RAB2A: variants seen among roughly 807,000 people sequenced by gnomAD.
RAB2A encodes RAB2A, member RAS oncogene family.
In RAB2A, 7 loss-of-function variants were observed where a neutral mutation model predicts 32.5. The ratio of observed to expected loss-of-function variants is 0.22; its 90% CI spans 0.12 to 0.40. The LOEUF (loss-of-function observed/expected upper bound fraction) is 0.40, where lower values mean the gene tolerates loss of function less well. RAB2A is among the 10% of genes least tolerant of loss of function. The pLI is 1.00. For missense variants in RAB2A, 108 were observed against 260.7 expected, an observed-to-expected ratio of 0.41 and a Z score of 4.03; for synonymous variants, 79 against 85.2, an observed-to-expected ratio of 0.93 and a Z score of 0.40.
At chr8:60,605,874 G>A (rs1804222649) in intron 6 of RAB2A, among the ~76,000 whole-genome samples, 1 of 130,008 alleles carries the variant, frequency 7.7e-6, no homozygotes, top group African/African-American at 3.7e-5. Flanking sequence ...TCAAGCTGGG[G>A]GTGGTGGCTC....
chr8:60,549,479 CT>C (rs34956255), intron 1 of RAB2A, among the ~76,000 whole-genome samples: 32,095 of 139,224 alleles, frequency 0.23, 3,505 homozygotes, highest in Middle Eastern at 0.36. Flanking sequence ...CTCCACCAAC[CT>C]TTTTTTTTTT....
intron 6 of RAB2A, among the ~76,000 whole-genome samples, chr8:60,599,510 G>T (rs1048702941): frequency 6.6e-6 from 1 of 152,160 alleles, no homozygotes; most frequent in Admixed American, 6.5e-5. Context: ...ACAATGGGAT[G>T]AATCCACCCA....
intron 6 of RAB2A, among the ~76,000 whole-genome samples, chr8:60,593,627 G>A (rs1243299348): frequency 2.0e-5 from 3 of 152,040 alleles, no homozygotes; most frequent in East Asian, 1.9e-4. Flanking sequence ...ACTAAACAGT[G>A]GTTTAAATAA....
At chr8:60,568,560 C>T (rs1418846358) in intron 2 of RAB2A, among the ~76,000 whole-genome samples, 1 of 151,986 alleles carries the variant, frequency 6.6e-6, no homozygotes, top group African/African-American at 2.4e-5. Flanking sequence ...GATGAGAAAA[C>T]TAAGACAAAG....
At chr8:60,584,389 C>G (rs1287114998) in intron 4 of RAB2A, 99 bp downstream of exon 4, 1 of 1,026,978 alleles carries the variant, frequency 9.7e-7, no homozygotes, top group African/African-American at 1.6e-5. Context: ...GCCTTTCTGC[C>G]CCGGCTACTC....
At chr8:60,518,617 A>G (rs1028414962) in intron 1 of RAB2A, among the ~76,000 whole-genome samples, 1 of 144,388 alleles carries the variant, frequency 6.9e-6, no homozygotes, top group African/African-American at 2.5e-5. Context: ...AAAAAAAAAA[A>G]AAAAAAGCAT....
At chr8:60,579,036 T>G (rs1325792470) in intron 3 of RAB2A, among the ~76,000 whole-genome samples, 1 of 150,986 alleles carries the variant, frequency 6.6e-6, no homozygotes, top group African/African-American at 2.5e-5. Flanking sequence ...TTTTTGTTGT[T>G]TTGTTTTGTT....
intron 6 of RAB2A, among the ~76,000 whole-genome samples, chr8:60,617,751 A>G (rs677467): frequency 0.24 from 36,781 of 151,966 alleles, 4,511 homozygotes; most frequent in Middle Eastern, 0.4. Context: ...TCTCAAAAAT[A>G]AATAAATAAA....
At chr8:60,552,227 T>A (rs1685956426) in intron 1 of RAB2A, 1 of 152,090 alleles carries the variant, frequency 6.6e-6, no homozygotes, top group Admixed American at 6.6e-5. Flanking sequence ...GGTCTTGAAC[T>A]CCTGACCTCG....
At chr8:60,606,766 T>C (rs617834) in intron 6 of RAB2A, among the ~76,000 whole-genome samples, 83,377 of 152,168 alleles carry the variant, frequency 0.55, 26,390 homozygotes, top group African/African-American at 0.88. Context: ...TACCTGGGCC[T>C]TTTTGAGCTG....
intron 1 of RAB2A, among the ~76,000 whole-genome samples, chr8:60,526,834 C>T (rs1480314350): frequency 2.6e-5 from 4 of 151,724 alleles, no homozygotes; most frequent in African/African-American, 9.7e-5. Flanking sequence ...CCAGGCGTGG[C>T]GGCATGCGCC....
At chr8:60,577,540 T>A (rs1245747732) in intron 3 of RAB2A, among the ~76,000 whole-genome samples, 2 of 152,178 alleles carry the variant, frequency 1.3e-5, no homozygotes, top group African/African-American at 4.8e-5. Context: ...CTGATCTTAC[T>A]GTCACCTGGA....
chr8:60,531,997 G>GAA (rs1240575162), intron 1 of RAB2A, among the ~76,000 whole-genome samples: 6 of 152,012 alleles, frequency 3.9e-5, no homozygotes, highest in African/African-American at 1.4e-4. Flanking sequence ...TAGAGACAGG[G>GAA]TTTCACCATG....
At chr8:60,616,404 C>T (rs778510554) in intron 6 of RAB2A, among the ~76,000 whole-genome samples, 2 of 152,206 alleles carry the variant, frequency 1.3e-5, no homozygotes, top group Admixed American at 6.5e-5. Flanking sequence ...GAAATGTGCA[C>T]ATGTGGATGC....
At chr8:60,610,134 T>C (rs1036855400) in intron 6 of RAB2A, among the ~76,000 whole-genome samples, 3 of 152,054 alleles carry the variant, frequency 2.0e-5, no homozygotes, top group Admixed American at 6.6e-5. Flanking sequence ...AGAAGCCTTA[T>C]GCTTATGCTG....
At chr8:60,562,008 A>G (rs1046700168) in intron 2 of RAB2A, among the ~76,000 whole-genome samples, 1 of 152,144 alleles carries the variant, frequency 6.6e-6, no homozygotes, top group African/African-American at 2.4e-5. Context: ...ACGTATAGAC[A>G]CTATGTGCCG....
chr8:60,574,963 A>G (rs1808248628), intron 3 of RAB2A, among the ~76,000 whole-genome samples: 2 of 152,036 alleles, frequency 1.3e-5, no homozygotes, highest in Non-Finnish European at 2.9e-5. Context: ...CTACATGGAG[A>G]GCTCCCAGAC....
At chr8:60,536,074 T>G (rs1425664314) in intron 1 of RAB2A, among the ~76,000 whole-genome samples, 1 of 152,216 alleles carries the variant, frequency 6.6e-6, no homozygotes. Context: ...AATTCCTGGG[T>G]CAACTGGTAT....
intron 3 of RAB2A, among the ~76,000 whole-genome samples, chr8:60,574,369 C>A (rs1563474487): frequency 6.6e-6 from 1 of 152,092 alleles, no homozygotes; most frequent in African/African-American, 2.4e-5. Context: ...AGCTTGGTGA[C>A]TGATAATACA....
Sources: gnomAD v4.1 joint callset for allele counts (sites outside exome capture counted in the v4.1 genomes callset) on GRCh38, gnomAD v4.1.1 for gene constraint, MANE v1.5 for transcripts, NCBI Gene and HGNC (gene_info 2026-07-23, HGNC 2026-07-21) for gene names.